The following DLG2 variants were observed in gnomAD, a reference collection of about 807,000 sequenced individuals.
DLG2 encodes disks large homolog 2.
Under a neutral mutation model 132.5 loss-of-function variants are expected in DLG2, and 45 were observed. The ratio of observed to expected loss-of-function variants is 0.34; its 90% CI spans 0.27 to 0.44. The LOEUF is 0.44. Ranked by LOEUF, DLG2 falls within the 20% of genes least tolerant of loss-of-function variation. DLG2 has a pLI of 1.00. For missense variants in DLG2, 1,045 were observed against 1,196.9 expected, an observed-to-expected ratio of 0.87 and a Z score of 1.87; for synonymous variants, 424 against 419.6, an observed-to-expected ratio of 1.01 and a Z score of -0.13.
At chr11:84,565,011 A>T (rs1009074416) in intron 6 of DLG2, among the ~76,000 whole-genome samples, 14 of 152,148 alleles carry the variant, frequency 9.2e-5, no homozygotes, top group African/African-American at 3.4e-4. Context: ...TTTTGTCACC[A>T]TTTCTGTGTA....
intron 7 of DLG2, among the ~76,000 whole-genome samples, chr11:84,442,755 C>T (rs541994754): frequency 6.6e-6 from 1 of 150,758 alleles, no homozygotes; most frequent in East Asian, 1.9e-4. Flanking sequence ...GAAGAATGGC[C>T]TTGTTACAAA....
chr11:84,784,625 A>G (rs761106633), intron 6 of DLG2, among the ~76,000 whole-genome samples: 5 of 152,132 alleles, frequency 3.3e-5, no homozygotes, highest in East Asian at 3.9e-4. Context: ...GAAGATCTAC[A>G]TATAAAGACT....
At chr11:85,463,137 G>A (rs989763214) in intron 3 of DLG2, among the ~76,000 whole-genome samples, 16 of 152,134 alleles carry the variant, frequency 1.1e-4, no homozygotes, top group African/African-American at 2.7e-4. Context: ...ATTTTGTTAC[G>A]ACAGCCCTAA....
chr11:84,644,159 G>A (rs1377244944), intron 6 of DLG2, among the ~76,000 whole-genome samples: 2 of 152,120 alleles, frequency 1.3e-5, no homozygotes, highest in African/African-American at 2.4e-5. Flanking sequence ...GAGTTTTCCC[G>A]GGGGCTGAGA....
chr11:84,311,711 T>C (rs1157104568), intron 7 of DLG2, among the ~76,000 whole-genome samples: 2 of 152,120 alleles, frequency 1.3e-5, no homozygotes, highest in Non-Finnish European at 2.9e-5. Context: ...GCACTCAAAC[T>C]TTATGAAGTC....
chr11:84,923,506 C>A, intron 6 of DLG2: 1 of 1,034,314 alleles, frequency 9.7e-7, no homozygotes, highest in Non-Finnish European at 1.2e-6. Flanking sequence ...TGAAATTTAA[C>A]CAATGAGTTA....
At chr11:85,354,128 C>G (rs948947305) in intron 3 of DLG2, among the ~76,000 whole-genome samples, 1 of 151,882 alleles carries the variant, frequency 6.6e-6, no homozygotes, top group African/African-American at 2.4e-5. Context: ...CTTTCGTGCC[C>G]CACTACCCTA....
intron 5 of DLG2, among the ~76,000 whole-genome samples, chr11:85,129,687 C>T (rs1225512475): frequency 2.0e-5 from 3 of 152,056 alleles, no homozygotes; most frequent in Non-Finnish European, 4.4e-5. Flanking sequence ...ACCATTTGAC[C>T]CAGCAATCCC....
At chr11:85,425,267 G>T (rs1390353052) in intron 3 of DLG2, among the ~76,000 whole-genome samples, 1 of 152,036 alleles carries the variant, frequency 6.6e-6, no homozygotes, top group Non-Finnish European at 1.5e-5. Context: ...AAAAAAGAAT[G>T]CAACAGAGAT....
At chr11:83,549,926 A>G (rs1230030474) in intron 19 of DLG2, among the ~76,000 whole-genome samples, 2 of 152,168 alleles carry the variant, frequency 1.3e-5, no homozygotes, top group Non-Finnish European at 1.5e-5. Flanking sequence ...TTAATAGACC[A>G]ACTGCATTTC....
At chr11:85,223,012 TG>T (rs542876098) in intron 4 of DLG2, among the ~76,000 whole-genome samples, 109 of 152,270 alleles carry the variant, frequency 7.2e-4, no homozygotes, top group African/African-American at 2.5e-3. Flanking sequence ...ATTCCAAACC[TG>T]GAACCTAAAG....
chr11:85,412,430 T>C (rs980966315), intron 3 of DLG2, among the ~76,000 whole-genome samples: 1 of 151,460 alleles, frequency 6.6e-6, no homozygotes, highest in African/African-American at 2.4e-5. Context: ...TTACATAAGT[T>C]CTTTAGTCGC....
intron 15 of DLG2, among the ~76,000 whole-genome samples, chr11:83,899,410 C>T (rs1471865491): frequency 6.6e-6 from 1 of 152,180 alleles, no homozygotes; most frequent in Non-Finnish European, 1.5e-5. Context: ...ACTTTTAGAA[C>T]ATTTTCACAT....
At chr11:84,509,311 G>A (rs767922603) in intron 7 of DLG2, among the ~76,000 whole-genome samples, 5 of 152,124 alleles carry the variant, frequency 3.3e-5, no homozygotes, top group African/African-American at 7.2e-5. Flanking sequence ...AATTTAAAAA[G>A]TCTTTCAAGG....
chr11:83,804,800 C>T (rs2045493321), intron 17 of DLG2, among the ~76,000 whole-genome samples: 1 of 152,032 alleles, frequency 6.6e-6, no homozygotes, highest in African/African-American at 2.4e-5. Flanking sequence ...TTCAAATTTC[C>T]TCCGTTATCC....
At chr11:85,137,476 T>C (rs2076204887) in intron 5 of DLG2, among the ~76,000 whole-genome samples, 6 of 152,076 alleles carry the variant, frequency 3.9e-5, no homozygotes, top group Admixed American at 3.9e-4. Context: ...AATCCTGAAA[T>C]CGTTTCTGTC....
chr11:85,476,308 C>T (rs2093139713), intron 3 of DLG2, among the ~76,000 whole-genome samples: 1 of 151,686 alleles, frequency 6.6e-6, no homozygotes, highest in African/African-American at 2.4e-5. Flanking sequence ...CAAGTCAAGT[C>T]TGGAAGTTGC....
At chr11:84,786,891 C>T (rs953826744) in intron 6 of DLG2, among the ~76,000 whole-genome samples, 10 of 152,104 alleles carry the variant, frequency 6.6e-5, no homozygotes, top group African/African-American at 1.2e-4. Context: ...ATTAGGGTCC[C>T]GGGGGCCAGG....
chr11:83,965,669 T>A (rs1018360132), intron 12 of DLG2, among the ~76,000 whole-genome samples: 1 of 152,012 alleles, frequency 6.6e-6, no homozygotes, highest in African/African-American at 2.4e-5. Flanking sequence ...TGCCTTTTTT[T>A]AAATGAGGAA....
Sources: gnomAD v4.1 joint callset for allele counts (sites outside exome capture counted in the v4.1 genomes callset) on GRCh38, gnomAD v4.1.1 for gene constraint, MANE v1.5 for transcripts, NCBI Gene and HGNC (gene_info 2026-07-23, HGNC 2026-07-21) for gene names.